The following TOX variants were observed in gnomAD, a reference collection of about 807,000 sequenced individuals.
The protein encoded by TOX is thymocyte selection-associated high mobility group box protein TOX.
A neutral mutation model predicts 53.7 loss-of-function variants in TOX; 11 were observed. That is an observed-to-expected ratio of 0.20 (90% CI 0.13 to 0.34). The LOEUF (loss-of-function observed/expected upper bound fraction) is 0.34, where lower values mean the gene tolerates loss of function less well. TOX is among the 10% of genes least tolerant of loss of function. The probability of loss-of-function intolerance (pLI) is 1.00; values close to 1 mark genes in which losing one functional copy is unlikely to be tolerated. For missense variants in TOX, 570 were observed against 664.6 expected, an observed-to-expected ratio of 0.86 and a Z score of 1.56; for synonymous variants, 225 against 245.3, an observed-to-expected ratio of 0.92 and a Z score of 0.77.
At chr8:58,874,064 G>T (rs1356033004) in intron 3 of TOX, among the ~76,000 whole-genome samples, 7 of 134,700 alleles carry the variant, frequency 5.2e-5, no homozygotes, top group African/African-American at 8.3e-5. Context: ...TCATACTGAA[G>T]AAAAAGAAAC....
intron 3 of TOX, among the ~76,000 whole-genome samples, chr8:58,881,598 C>A (rs12544720): frequency 1.3e-5 from 2 of 151,696 alleles, no homozygotes; most frequent in Non-Finnish European, 2.9e-5. Flanking sequence ...GTGGCACGTG[C>A]CTGTAGTCCC....
In TOX at chr8:58,845,148, A is replaced by T. The variant is rs1004752013; in HGVS notation, c.693+6376T>A. On this transcript the variant is annotated intron_variant, in intron 4 of 8. Coordinates refer to ENST00000361421, the MANE Select transcript of TOX (RefSeq NM_014729.3). ...GGAGAAGTTAGAAACGTCTATAAGC[A>T]TATTTAAAATAAACTGCCGCGGTCC... Among the ~76,000 whole-genome samples the T allele has an allele frequency of 8.9e-4, 135 of 152,260 alleles. 1 individual carries two copies. The highest frequency in any genetic ancestry group is 3.1e-3 in the African/African-American group (129 of 41,582).
chr8:59,002,697 G>A (rs1319442914), intron 1 of TOX, among the ~76,000 whole-genome samples: 2 of 151,788 alleles, frequency 1.3e-5, no homozygotes, highest in African/African-American at 4.8e-5. Flanking sequence ...ATGTCACTAG[G>A]TAAAAAATAG....
intron 1 of TOX, among the ~76,000 whole-genome samples, chr8:58,976,101 C>T (rs1813095070): frequency 1.3e-5 from 2 of 151,950 alleles, no homozygotes; most frequent in Non-Finnish European, 1.5e-5. Context: ...TTTGCCACAT[C>T]TACTGACTCT....
intron 7 of TOX, among the ~76,000 whole-genome samples, chr8:58,814,151 T>C (rs1327517723): frequency 1.3e-5 from 2 of 152,168 alleles, no homozygotes; most frequent in Non-Finnish European, 2.9e-5. Flanking sequence ...ATAATAATAG[T>C]AGTAATAATA....
intron 1 of TOX, among the ~76,000 whole-genome samples, chr8:59,091,494 C>A (rs762031950): frequency 7.9e-5 from 12 of 151,986 alleles, no homozygotes; most frequent in Non-Finnish European, 1.6e-4. Flanking sequence ...TACCAATATG[C>A]TCTTCTTGGA....
intron 1 of TOX, among the ~76,000 whole-genome samples, chr8:59,050,345 T>C (rs1247652331): frequency 1.3e-5 from 2 of 152,126 alleles, no homozygotes; most frequent in African/African-American, 4.8e-5. Context: ...TAGAATAGCA[T>C]TTGTGAAAGT....
At chr8:59,080,629 G>A (rs1456536297) in intron 1 of TOX, among the ~76,000 whole-genome samples, 3 of 152,190 alleles carry the variant, frequency 2.0e-5, no homozygotes, top group African/African-American at 7.2e-5. Context: ...GACCTGGCGG[G>A]AGGTGTTTGG....
chr8:59,038,501 T>C (rs958876488), intron 1 of TOX, among the ~76,000 whole-genome samples: 5 of 152,208 alleles, frequency 3.3e-5, no homozygotes, highest in African/African-American at 1.2e-4. Context: ...GCCAATAGTA[T>C]CATTTTTCAA....
At chr8:58,961,286 C>A (rs1019565977) in intron 1 of TOX, among the ~76,000 whole-genome samples, 1 of 152,092 alleles carries the variant, frequency 6.6e-6, no homozygotes, top group Non-Finnish European at 1.5e-5. Flanking sequence ...GAAGCACTCA[C>A]GAGACTAAGC....
At chr8:59,038,434 T>C (rs1199870890) in intron 1 of TOX, among the ~76,000 whole-genome samples, 1 of 152,232 alleles carries the variant, frequency 6.6e-6, no homozygotes, top group Admixed American at 6.5e-5. Flanking sequence ...TGATATCTCC[T>C]TTCTTATGTA....
chr8:58,875,654 T>C (rs1355391188), intron 3 of TOX, among the ~76,000 whole-genome samples: 2 of 152,214 alleles, frequency 1.3e-5, no homozygotes, highest in Non-Finnish European at 2.9e-5. Context: ...TTTGAAATTT[T>C]GGTGATATTC....
rs551215757 is a variant in TOX at position 58,825,665 on chromosome 8, G to T, written c.1005+1157C>A. Among the ~76,000 whole-genome samples, 3 of 152,248 alleles carry T rather than the reference G, an allele frequency of 2.0e-5. No individual in the cohort carries two copies. In the South Asian group the frequency reaches 6.2e-4, roughly 32 times the overall value. ...AATAAGGAGAATTAACTTTTTAAAAGCCCCGCTATGTTTTTGGCATAATTA... is the reference window on the plus strand; with the variant it reads ...AATAAGGAGAATTAACTTTTTAAAATCCCCGCTATGTTTTTGGCATAATTA... On this transcript the variant is annotated intron_variant, in intron 6 of 8. Coordinates refer to ENST00000361421, the MANE Select transcript of TOX (RefSeq NM_014729.3).
intron 1 of TOX, among the ~76,000 whole-genome samples, chr8:59,027,348 TA>T (rs1309478345): frequency 6.6e-6 from 1 of 152,052 alleles, no homozygotes; most frequent in African/African-American, 2.4e-5. Context: ...ACTTCAGATT[TA>T]AAAAAAGTGT....
chr8:58,894,221 A>G (rs1357871317), intron 3 of TOX, among the ~76,000 whole-genome samples: 1 of 152,188 alleles, frequency 6.6e-6, no homozygotes, highest in African/African-American at 2.4e-5. Context: ...GGATTCAGGA[A>G]ATCTTTGCTG....
chr8:58,836,280 A>C (rs1007644974), intron 5 of TOX, among the ~76,000 whole-genome samples: 1 of 152,222 alleles, frequency 6.6e-6, no homozygotes, highest in African/African-American at 2.4e-5. Flanking sequence ...AAGTCACTGT[A>C]GAATTCACCC....
chr8:58,980,349 G>T (rs1269419450), intron 1 of TOX, among the ~76,000 whole-genome samples: 1 of 152,052 alleles, frequency 6.6e-6, no homozygotes, highest in African/African-American at 2.4e-5. Flanking sequence ...CGCTTGGCCT[G>T]TTCTCTCATC....
chr8:58,844,115 T>A (rs1292208838), intron 4 of TOX, among the ~76,000 whole-genome samples: 2 of 152,152 alleles, frequency 1.3e-5, no homozygotes, highest in African/African-American at 4.8e-5. Context: ...TAATTTTAAA[T>A]CCTAACTTTC....
intron 1 of TOX, among the ~76,000 whole-genome samples, chr8:59,108,676 AC>A (rs1469812355): frequency 2.0e-5 from 3 of 150,630 alleles, no homozygotes; most frequent in African/African-American, 7.5e-5. Context: ...ACACACACAC[AC>A]ACACACACAT....
Sources: gnomAD v4.1 joint callset for allele counts (sites outside exome capture counted in the v4.1 genomes callset) on GRCh38, gnomAD v4.1.1 for gene constraint, MANE v1.5 for transcripts, NCBI Gene and HGNC (gene_info 2026-07-23, HGNC 2026-07-21) for gene names.